The following TTC29 variants were observed in gnomAD, a reference collection of about 807,000 sequenced individuals.
The protein encoded by TTC29 is tetratricopeptide repeat domain 29.
Under a neutral mutation model 58.1 loss-of-function variants are expected in TTC29, and 49 were observed. That is an observed-to-expected ratio of 0.84 (90% confidence interval 0.67 to 1.07). The LOEUF is 1.07. Ranked by LOEUF, TTC29 falls within the 50% of genes least tolerant of loss-of-function variation. TTC29 has a pLI of 0.00. For synonymous variants in TTC29, 209 were observed against 196.8 expected (o/e 1.06, Z -0.52); for missense variants, 582 against 555.6 (o/e 1.05, Z -0.48).
intron 9 of TTC29, among the ~76,000 whole-genome samples, chr4:146,820,814 C>T (rs1431129143): frequency 2.6e-5 from 4 of 152,038 alleles, no homozygotes; most frequent in Non-Finnish European, 4.4e-5. Context: ...GGGCGGATCA[C>T]GAGGTCAGGA....
chr4:146,942,729 T>G (rs371943142), intron 2 of TTC29: 3 of 1,010,882 alleles, frequency 3.0e-6, no homozygotes, highest in Non-Finnish European at 4.3e-6. Flanking sequence ...TAAGTTTGCC[T>G]CATTTGGGGC....
intron 9 of TTC29, among the ~76,000 whole-genome samples, chr4:146,826,158 CTATGTGGT>C (rs1421591638): frequency 2.6e-5 from 4 of 152,052 alleles, no homozygotes; most frequent in Non-Finnish European, 4.4e-5. Flanking sequence ...CATCATAATG[CTATGTGGT>C]TATTTTGCAC....
At chr4:146,887,938 C>T (rs959150455) in intron 6 of TTC29, among the ~76,000 whole-genome samples, 2 of 151,914 alleles carry the variant, frequency 1.3e-5, no homozygotes, top group East Asian at 1.9e-4. Flanking sequence ...CAAAGTGGAA[C>T]AATAGGGACA....
chr4:146,939,765 C>A, intron 3 of TTC29, 39 bp downstream of exon 3: 1 of 1,518,658 alleles, frequency 6.6e-7, no homozygotes, highest in Non-Finnish European at 9.0e-7. Context: ...ACAGAAAATT[C>A]CTTCTGTAGG....
intron 2 of TTC29, chr4:146,944,094 T>TA (rs1736690161): frequency 6.6e-6 from 1 of 152,246 alleles, no homozygotes; most frequent in Admixed American, 6.5e-5. Flanking sequence ...GAATGAAAGA[T>TA]ACCTCTTTGG....
At chr4:146,865,318 A>G (rs1309261070) in intron 8 of TTC29, among the ~76,000 whole-genome samples, 1 of 152,212 alleles carries the variant, frequency 6.6e-6, no homozygotes, top group African/African-American at 2.4e-5. Context: ...GTTATGTGAA[A>G]CAACCTTAAT....
chr4:146,895,588 C>CAGTGAGCCTGTACGAGAGCCTGA (rs1732715937), intron 6 of TTC29, among the ~76,000 whole-genome samples: 1 of 152,142 alleles, frequency 6.6e-6, no homozygotes, highest in Non-Finnish European at 1.5e-5. Flanking sequence ...CAGGAGCAAG[C>CAGTGAGCCTGTACGAGAGCCTGA]AGTGAGCCTG....
At chr4:146,926,303 T>C (rs1359630894) in intron 4 of TTC29, among the ~76,000 whole-genome samples, 1 of 152,182 alleles carries the variant, frequency 6.6e-6, no homozygotes, top group East Asian at 1.9e-4. Context: ...TCTGTAGTCC[T>C]TCGCATCTTC....
chr4:146,938,197 T>C (rs899740169), intron 3 of TTC29, among the ~76,000 whole-genome samples: 1 of 152,170 alleles, frequency 6.6e-6, no homozygotes, highest in Non-Finnish European at 1.5e-5. Context: ...GAAGCCCTTA[T>C]TGAAAATGTA....
At chr4:146,835,630 A>G (rs539564369) in intron 8 of TTC29, among the ~76,000 whole-genome samples, 3 of 152,132 alleles carry the variant, frequency 2.0e-5, no homozygotes, top group Non-Finnish European at 4.4e-5. Flanking sequence ...CCCTCAAGGC[A>G]TTTACAGTTC....
chr4:146,816,476 T>C (rs563476509), intron 10 of TTC29, among the ~76,000 whole-genome samples: 25 of 151,800 alleles, frequency 1.6e-4, no homozygotes, highest in Non-Finnish European at 2.1e-4. Context: ...TGAGCACAGC[T>C]AGAGCAACAG....
intron 6 of TTC29, among the ~76,000 whole-genome samples, chr4:146,892,041 T>G (rs1732403556): frequency 6.6e-6 from 1 of 152,094 alleles, no homozygotes; most frequent in Non-Finnish European, 1.5e-5. Flanking sequence ...CTGTGTCCCC[T>G]CCCAAATCTA....
At chr4:146,855,924 CCT>C (rs1729819820) in intron 8 of TTC29, among the ~76,000 whole-genome samples, 3 of 152,130 alleles carry the variant, frequency 2.0e-5, no homozygotes, top group Admixed American at 1.3e-4. Flanking sequence ...AGGTGTAATG[CCT>C]CTTCTTCTTT....
At position 146,895,250 on chromosome 4, in the gene TTC29, G is replaced by C. The variant is rs1333995864; in HGVS notation, c.586+8294C>G. Among the ~76,000 whole-genome samples the C allele has an allele frequency of 5.9e-5, 9 of 152,118 alleles. No individual in the cohort carries two copies. The South Asian group carries it at 1.0e-3, about 18-fold the overall frequency. Reference sequence around the variant, plus strand: ...GAGTTACTGAGTTAGCCTGGCAGGAGCTTCCAAGAAACTTGAGTGAAGGAA... The same window carrying C: ...GAGTTACTGAGTTAGCCTGGCAGGACCTTCCAAGAAACTTGAGTGAAGGAA... On this transcript the variant is annotated intron_variant, in intron 6 of 12. Coordinates refer to ENST00000325106, the MANE Select transcript of TTC29 (RefSeq NM_031956.4).
chr4:146,776,722 G>A (rs1748127114), intron 11 of TTC29, among the ~76,000 whole-genome samples: 1 of 152,210 alleles, frequency 6.6e-6, no homozygotes, highest in Non-Finnish European at 1.5e-5. Flanking sequence ...GGGGCAGTGG[G>A]ATCTGTGCCT....
chr4:146,914,196 G>A (rs1560713954), intron 4 of TTC29, among the ~76,000 whole-genome samples: 1 of 151,948 alleles, frequency 6.6e-6, no homozygotes, highest in Non-Finnish European at 1.5e-5. Context: ...CTAAAAAAAA[G>A]GAATGTCAAT....
At chr4:146,932,379 C>T (rs72960366) in intron 4 of TTC29, among the ~76,000 whole-genome samples, 3,302 of 152,236 alleles carry the variant, frequency 0.022, 89 homozygotes, top group East Asian at 0.11. Context: ...GAATTTATTA[C>T]TTTACCAAAG....
intron 11 of TTC29, among the ~76,000 whole-genome samples, chr4:146,739,361 T>C (rs1744949987): frequency 6.6e-6 from 1 of 152,248 alleles, no homozygotes; most frequent in Non-Finnish European, 1.5e-5. Flanking sequence ...TTCCTTATGC[T>C]TCCAACTGTA....
At chr4:146,825,098 TC>T (rs1455501653) in intron 9 of TTC29, among the ~76,000 whole-genome samples, 1 of 152,176 alleles carries the variant, frequency 6.6e-6, no homozygotes, top group Non-Finnish European at 1.5e-5. Context: ...TGTTTCTATC[TC>T]CCTCAATTCT....
Sources: gnomAD v4.1 joint callset for allele counts (sites outside exome capture counted in the v4.1 genomes callset) on GRCh38, gnomAD v4.1.1 for gene constraint, MANE v1.5 for transcripts, NCBI Gene and HGNC (gene_info 2026-07-23, HGNC 2026-07-21) for gene names.